Variants in RIGI observed in about 807,000 individuals in gnomAD.
The protein encoded by RIGI is RNA sensor RIG-I.
the RIGI span, among the ~76,000 whole-genome samples, chr9:32,524,600 T>G: frequency 1.2e-5 from 1 of 86,750 alleles, no homozygotes; most frequent in Non-Finnish European, 2.8e-5. Flanking sequence ...TTTTCGGTTT[T>G]TTTTTTTTTT....
At chr9:32,461,558 A>G in the RIGI span, among the ~76,000 whole-genome samples, 1 of 152,228 alleles carries the variant, frequency 6.6e-6, no homozygotes, top group Non-Finnish European at 1.5e-5. Flanking sequence ...CTTTACATAC[A>G]AAATGGGACA....
chr9:32,508,239 A>ATTTTTTTTTTTTT, the RIGI span, among the ~76,000 whole-genome samples: 369 of 70,330 alleles, frequency 5.2e-3, 64 homozygotes, highest in African/African-American at 0.011. Context: ...TATTTACTTA[A>ATTTTTTTTTTTTT]TTTTTTTTTT....
the RIGI span, chr9:32,489,527 C>A: frequency 1.3e-6 from 1 of 793,954 alleles, no homozygotes; most frequent in Admixed American, 2.7e-5. Flanking sequence ...AGTCTAATGT[C>A]CACAAATTCT....
chr9:32,479,220 A>T, the RIGI span, among the ~76,000 whole-genome samples: 1 of 152,242 alleles, frequency 6.6e-6, no homozygotes, highest in Non-Finnish European at 1.5e-5. Context: ...AATTTACAAT[A>T]AAGAATAGTT....
At chr9:32,483,747 C>A in the RIGI span, among the ~76,000 whole-genome samples, 1 of 151,942 alleles carries the variant, frequency 6.6e-6, no homozygotes, top group Non-Finnish European at 1.5e-5. Context: ...TCCCCATGCT[C>A]TGGCCTCTGC....
the RIGI span, chr9:32,485,251 G>A: frequency 1.4e-5 from 23 of 1,602,236 alleles, no homozygotes; most frequent in Middle Eastern, 1.7e-4. Context: ...TAAATTTGTC[G>A]CTAATCCGTG....
the RIGI span, among the ~76,000 whole-genome samples, chr9:32,495,184 T>A: frequency 6.6e-6 from 1 of 152,042 alleles, no homozygotes; most frequent in Non-Finnish European, 1.5e-5. Flanking sequence ...CTCACCTATA[T>A]GCATTATTTT....
At chr9:32,517,889 C>A in the RIGI span, among the ~76,000 whole-genome samples, 7 of 152,236 alleles carry the variant, frequency 4.6e-5, no homozygotes, top group African/African-American at 1.7e-4. Flanking sequence ...TGGTCAAATG[C>A]TGTAAATGAA....
the RIGI span, among the ~76,000 whole-genome samples, chr9:32,464,863 C>G: frequency 1.3e-5 from 2 of 152,166 alleles, no homozygotes; most frequent in African/African-American, 2.4e-5. Context: ...GTTACGGGAA[C>G]CCCAAATGCT....
chr9:32,514,378 T>C, the RIGI span, among the ~76,000 whole-genome samples: 412 of 152,262 alleles, frequency 2.7e-3, 3 homozygotes, highest in African/African-American at 9.7e-3. Flanking sequence ...ATATACACCA[T>C]GGAATACTAC....
chr9:32,488,068 T>C, the RIGI span: 36 of 1,614,048 alleles, frequency 2.2e-5, no homozygotes, highest in Non-Finnish European at 2.7e-5. Context: ...TAAAGATGGA[T>C]AGTGATGGAA....
At chr9:32,493,278 T>C in the RIGI span, among the ~76,000 whole-genome samples, 7 of 152,238 alleles carry the variant, frequency 4.6e-5, no homozygotes, top group African/African-American at 1.4e-4. Context: ...TAACTGAAAA[T>C]AGGGCAAACT....
the RIGI span, among the ~76,000 whole-genome samples, chr9:32,511,678 A>G: frequency 6.6e-6 from 1 of 152,212 alleles, no homozygotes; most frequent in Non-Finnish European, 1.5e-5. Context: ...AGAACCAGAG[A>G]AGCAAGAGCA....
chr9:32,521,822 TTA>T, the RIGI span, among the ~76,000 whole-genome samples: 1 of 152,164 alleles, frequency 6.6e-6, no homozygotes, highest in Admixed American at 6.5e-5. Context: ...ATGATGATTA[TTA>T]TGTTAAATTG....
chr9:32,514,168 T>C, the RIGI span, among the ~76,000 whole-genome samples: 4 of 152,164 alleles, frequency 2.6e-5, no homozygotes, highest in African/African-American at 9.7e-5. Context: ...ACAGTGTGGG[T>C]GATTCCTCAA....
the RIGI span, chr9:32,487,704 T>C: frequency 1.3e-6 from 2 of 1,555,600 alleles, no homozygotes; most frequent in Non-Finnish European, 1.8e-6. Flanking sequence ...CTCATATAAC[T>C]CTTTCCTGCT....
chr9:32,483,905 C>CTTTA, the RIGI span, among the ~76,000 whole-genome samples: 1 of 152,104 alleles, frequency 6.6e-6, no homozygotes, highest in African/African-American at 2.4e-5. Context: ...ACACCAGCTG[C>CTTTA]TTTAGTATTA....
the RIGI span, among the ~76,000 whole-genome samples, chr9:32,513,487 C>G: frequency 1.3e-5 from 2 of 152,188 alleles, no homozygotes; most frequent in African/African-American, 4.8e-5. Flanking sequence ...AAAGGATTCC[C>G]TATTTAATAA....
At chr9:32,491,436 A>G in the RIGI span, 2 of 1,579,612 alleles carry the variant, frequency 1.3e-6, no homozygotes, top group African/African-American at 2.7e-5. Context: ...TAAGACCAAA[A>G]AAGTCTTAGA....
Sources: gnomAD v4.1 joint callset for allele counts (sites outside exome capture counted in the v4.1 genomes callset) on GRCh38, gnomAD v4.1.1 for gene constraint, MANE v1.5 for transcripts, NCBI Gene and HGNC (gene_info 2026-07-23, HGNC 2026-07-21) for gene names.